The following CYREN variants were observed in gnomAD, a reference collection of about 807,000 sequenced individuals.
The protein encoded by CYREN is cell cycle regulator of NHEJ.
CYREN carries 7 observed loss-of-function variants against 9.7 expected under a neutral mutation model. That is an observed-to-expected ratio of 0.72 (90% CI 0.41 to 1.36). The LOEUF (loss-of-function observed/expected upper bound fraction) is 1.36, where lower values mean the gene tolerates loss of function less well. CYREN is among the 40% of genes most tolerant of loss of function. The pLI is 0.01. For synonymous variants in CYREN, 76 were observed against 77.9 expected (o/e 0.98, Z 0.13); for missense variants, 215 against 198.1 (o/e 1.09, Z -0.51).
intron 3 of CYREN, 145 bp downstream of exon 3, chr7:135,167,587 G>A (rs1039198510): frequency 2.1e-6 from 3 of 1,462,996 alleles, no homozygotes; most frequent in Non-Finnish European, 1.8e-6. Context: ...TGGGCAGCAT[G>A]GCCGAGATAA....
chr7:135,117,798 C>G (rs1439641200), intron 2 of CYREN, among the ~76,000 whole-genome samples: 1 of 152,186 alleles, frequency 6.6e-6, no homozygotes, highest in Non-Finnish European at 1.5e-5. Flanking sequence ...ATTTGCCCTT[C>G]TCTGGGGACT....
At chr7:135,139,131 G>A (rs6969030) in intron 2 of CYREN, among the ~76,000 whole-genome samples, 145,364 of 152,166 alleles carry the variant, frequency 0.96, 69,749 homozygotes, top group East Asian at 1. Flanking sequence ...TGCTGGGTCA[G>A]ATGATAGTTG....
intron 2 of CYREN, among the ~76,000 whole-genome samples, chr7:135,112,075 T>A (rs2117148485): frequency 6.6e-6 from 1 of 152,326 alleles, no homozygotes; most frequent in South Asian, 2.1e-4. Flanking sequence ...ACACTTCTGT[T>A]TTTTGGTCTT....
chr7:135,108,808 T>G (rs1049983451), intron 2 of CYREN, among the ~76,000 whole-genome samples: 9 of 152,204 alleles, frequency 5.9e-5, no homozygotes, highest in Non-Finnish European at 1.3e-4. Context: ...CCTGTCCCTT[T>G]CAGGGATGCA....
chr7:135,115,717 A>G (rs932840286), intron 2 of CYREN: 3 of 921,060 alleles, frequency 3.3e-6, no homozygotes, highest in Non-Finnish European at 3.2e-6. Context: ...GCTCTTGAAA[A>G]TGATGTCAGC....
chr7:135,106,108 T>C (rs188272622), intron 2 of CYREN, among the ~76,000 whole-genome samples: 4 of 152,314 alleles, frequency 2.6e-5, no homozygotes, highest in African/African-American at 7.2e-5. Context: ...CTTCCTGAAG[T>C]TGTTTGTCAG....
intron 2 of CYREN, among the ~76,000 whole-genome samples, chr7:135,158,201 G>A (rs997104605): frequency 6.6e-6 from 1 of 151,962 alleles, no homozygotes; most frequent in Non-Finnish European, 1.5e-5. Context: ...CAGGCAGCAT[G>A]GGCAAGAAGC....
chr7:135,150,474 G>C (rs549610370), intron 2 of CYREN, among the ~76,000 whole-genome samples: 1 of 152,190 alleles, frequency 6.6e-6, no homozygotes, highest in Non-Finnish European at 1.5e-5. Flanking sequence ...TGATTCCCCA[G>C]GGCCTCTGAT....
intron 2 of CYREN, among the ~76,000 whole-genome samples, chr7:135,114,502 A>G (rs1405689937): frequency 1.6e-4 from 7 of 43,600 alleles, no homozygotes; most frequent in African/African-American, 2.9e-4. Context: ...GATTTCTAAC[A>G]TGCTCTTCCC....
intron 2 of CYREN, chr7:135,168,218 G>A (rs962502737): frequency 4.4e-5 from 9 of 205,910 alleles, no homozygotes; most frequent in African/African-American, 9.5e-5. Flanking sequence ...AACCTTAGAG[G>A]AGGAGGAGCC....
chr7:135,135,061 C>A, intron 2 of CYREN: 1 of 1,551,228 alleles, frequency 6.4e-7, no homozygotes, highest in Non-Finnish European at 8.7e-7. Context: ...CATAAAACCT[C>A]TCAGCAGCAA....
chr7:135,128,274 A>C (rs1377234563), intron 2 of CYREN, among the ~76,000 whole-genome samples: 1 of 140,938 alleles, frequency 7.1e-6, no homozygotes, highest in Non-Finnish European at 1.5e-5. Context: ...CCTGGGCAAC[A>C]GAGTGAGACT....
intron 2 of CYREN, among the ~76,000 whole-genome samples, chr7:135,101,001 A>C (rs1014859131): frequency 6.6e-6 from 1 of 152,250 alleles, no homozygotes; most frequent in Non-Finnish European, 1.5e-5. Context: ...TAATATGCAA[A>C]TATAACATGG....
At chr7:135,155,792 A>G (rs1477402114) in intron 2 of CYREN, among the ~76,000 whole-genome samples, 2 of 152,248 alleles carry the variant, frequency 1.3e-5, no homozygotes, top group Admixed American at 1.3e-4. Flanking sequence ...TCAAGGCTGC[A>G]ATGAACTGTG....
At chr7:135,148,511 G>A (rs761510737) in intron 2 of CYREN, among the ~76,000 whole-genome samples, 22 of 152,170 alleles carry the variant, frequency 1.4e-4, no homozygotes, top group Admixed American at 7.9e-4. Context: ...TGGCCTCAAA[G>A]ATGATGAAAG....
intron 2 of CYREN, among the ~76,000 whole-genome samples, chr7:135,112,113 C>T (rs1039264204): frequency 6.6e-6 from 1 of 152,196 alleles, no homozygotes; most frequent in Non-Finnish European, 1.5e-5. Flanking sequence ...ATCCATTCTA[C>T]CTCTAAAGAT....
At chr7:135,131,392 G>A (rs1287378985) in intron 2 of CYREN, among the ~76,000 whole-genome samples, 1 of 151,778 alleles carries the variant, frequency 6.6e-6, no homozygotes, top group Admixed American at 6.6e-5. Context: ...ATATACCTAT[G>A]TAACAAACCT....
At chr7:135,141,897 T>C (rs1037621969) in intron 2 of CYREN, among the ~76,000 whole-genome samples, 5 of 152,152 alleles carry the variant, frequency 3.3e-5, no homozygotes, top group African/African-American at 1.2e-4. Context: ...TTATTGTGCT[T>C]TATTCTGAAA....
intron 2 of CYREN, among the ~76,000 whole-genome samples, chr7:135,132,045 A>G (rs920861137): frequency 1.3e-5 from 2 of 152,140 alleles, no homozygotes; most frequent in African/African-American, 2.4e-5. Flanking sequence ...TTAAAACCCT[A>G]AAAAAGAAAT....
Sources: allele counts gnomAD v4.1 joint callset (sites outside exome capture counted in the v4.1 genomes callset), GRCh38; gene constraint gnomAD v4.1.1; transcripts MANE v1.5; gene names NCBI Gene and HGNC (gene_info 2026-07-23, HGNC 2026-07-21).